The following GREB1L variants were observed in gnomAD, a reference collection of about 807,000 sequenced individuals.
The protein encoded by GREB1L is GREB1-like protein.
In GREB1L, 17 loss-of-function variants were observed where a neutral mutation model predicts 200.8. The ratio of observed to expected loss-of-function variants is 0.08; its 90% CI spans 0.06 to 0.13. GREB1L has a LOEUF of 0.13. Ranked by LOEUF, GREB1L falls within the 10% of genes least tolerant of loss-of-function variation. The pLI is 1.00. For missense variants in GREB1L, 1,657 were observed against 2,367.7 expected (o/e 0.70, Z 6.23); for synonymous variants, 789 against 893.0 (o/e 0.88, Z 2.08).
At chr18:21,289,493 T>C (rs2038412256) in intron 1 of GREB1L, among the ~76,000 whole-genome samples, 1 of 151,932 alleles carries the variant, frequency 6.6e-6, no homozygotes, top group Non-Finnish European at 1.5e-5. Context: ...CAGTGAGCTA[T>C]AATCATGCCA....
At chr18:21,374,240 G>A (rs2039985781) in intron 2 of GREB1L, among the ~76,000 whole-genome samples, 1 of 152,134 alleles carries the variant, frequency 6.6e-6, no homozygotes, top group Non-Finnish European at 1.5e-5. Context: ...CTGGACTCAA[G>A]TCATCTGCCT....
chr18:21,510,847 CTTT>C (rs113424479), intron 27 of GREB1L, among the ~76,000 whole-genome samples: 2 of 147,616 alleles, frequency 1.4e-5, no homozygotes, highest in African/African-American at 4.9e-5. Context: ...CTCACCAACA[CTTT>C]TTTTTTTTGA....
intron 4 of GREB1L, among the ~76,000 whole-genome samples, chr18:21,391,730 AAATT>A (rs1212551660): frequency 4.6e-5 from 7 of 152,380 alleles, no homozygotes; most frequent in African/African-American, 9.6e-5. Context: ...AGAGATTTAA[AAATT>A]AATTCTGTCA....
intron 16 of GREB1L, among the ~76,000 whole-genome samples, chr18:21,475,666 T>C (rs2035661099): frequency 6.6e-6 from 1 of 151,890 alleles, no homozygotes; most frequent in African/African-American, 2.4e-5. Flanking sequence ...TGGATGAACT[T>C]ATTAATGAAA....
chr18:21,273,187 C>T (rs1242336077), intron 1 of GREB1L, among the ~76,000 whole-genome samples: 2 of 152,068 alleles, frequency 1.3e-5, no homozygotes, highest in Admixed American at 6.5e-5. Context: ...GAGATTGTGC[C>T]GCTGCACTCC....
At chr18:21,285,071 T>G (rs1190552838) in intron 1 of GREB1L, among the ~76,000 whole-genome samples, 3 of 152,226 alleles carry the variant, frequency 2.0e-5, no homozygotes, top group Non-Finnish European at 4.4e-5. Context: ...ATATTCTAGA[T>G]ACAAGGCTTT....
intron 1 of GREB1L, among the ~76,000 whole-genome samples, chr18:21,274,628 A>T: frequency 6.6e-6 from 1 of 152,130 alleles, no homozygotes; most frequent in South Asian, 2.1e-4. Context: ...GCACAATGAC[A>T]CATGCCTGTA....
rs1394993286 is a variant in GREB1L at position 21,454,475 on chromosome 18, C to T, written c.2094C>T (p.Leu698=). 6 of 1,551,468 alleles carry T rather than the reference C, an allele frequency of 3.9e-6. No homozygotes were observed. Among genetic ancestry groups the T allele is most frequent in the Non-Finnish European group, 5.2e-6 (6 of 1,146,894 alleles). ...IADSGSQSLD[L]GHFSKVDFII... is the part of the protein sequence containing the mutation. ...ACAGTGGCAGCCAGAGCCTGGACCTCGGTCACTTCAGCAAAGTAGACTTCA... is the reference window on the plus strand; with the variant it reads ...ACAGTGGCAGCCAGAGCCTGGACCTTGGTCACTTCAGCAAAGTAGACTTCA... Residue 698 remains leucine, a synonymous_variant, in exon 15 of 33, where the codon CTC becomes CTT. Transcript: ENST00000424526.
At position 21,523,390 on chromosome 18, in the gene GREB1L, ATCT is replaced by A. The variant is rs1406729757; in HGVS notation, c.*573_*575del. On this transcript the variant is annotated 3_prime_UTR_variant, in exon 33 of 33. Coordinates refer to ENST00000424526, the MANE Select transcript of GREB1L (RefSeq NM_001142966.3). ...GTGCAGTGTTAGTTTAAGATTTATA[ATCT>A]TCTATGTATTGAAACTTTTGGCAAA... The A allele has an allele frequency of 1.3e-5, 2 of 152,224 alleles. No individual in the cohort carries two copies. The highest frequency in any genetic ancestry group is 3.8e-4 in the East Asian group (2 of 5,198). The allele number at this position is 152,224 out of a possible 1,614,324, so 9.4% of individuals were successfully genotyped here.
chr18:21,264,662 T>C (rs2037938752), intron 1 of GREB1L, among the ~76,000 whole-genome samples: 2 of 141,836 alleles, frequency 1.4e-5, no homozygotes, highest in Admixed American at 7.3e-5. Flanking sequence ...TTATCCTTTC[T>C]CCCCCTCCCC....
At chr18:21,326,480 G>A (rs1014101085) in intron 1 of GREB1L, among the ~76,000 whole-genome samples, 2 of 152,124 alleles carry the variant, frequency 1.3e-5, no homozygotes, top group African/African-American at 2.4e-5. Flanking sequence ...ACCGATAGCC[G>A]GTCGCTGGGG....
chr18:21,515,273 T>G, intron 28 of GREB1L, 144 bp from the exon 29 acceptor site: 1 of 655,248 alleles, frequency 1.5e-6, no homozygotes, highest in Non-Finnish European at 2.6e-6. Flanking sequence ...GGGCTTGACA[T>G]TCTTCTCCAT....
At chr18:21,492,090 T>C (rs2036361799) in intron 19 of GREB1L, among the ~76,000 whole-genome samples, 1 of 152,066 alleles carries the variant, frequency 6.6e-6, no homozygotes, top group South Asian at 2.1e-4. Flanking sequence ...CTCATGCCTG[T>C]AATCCCAGCA....
intron 1 of GREB1L, among the ~76,000 whole-genome samples, chr18:21,313,855 C>G (rs1347366117): frequency 6.6e-6 from 1 of 152,230 alleles, no homozygotes; most frequent in East Asian, 1.9e-4. Flanking sequence ...AGCCAAATTA[C>G]TCTGCTGTTT....
chr18:21,296,082 A>C (rs1285077875), intron 1 of GREB1L, among the ~76,000 whole-genome samples: 1 of 152,222 alleles, frequency 6.6e-6, no homozygotes, highest in Non-Finnish European at 1.5e-5. Flanking sequence ...CTGAGTGTAT[A>C]CCCAAAGGAA....
At chr18:21,405,562 A>G (rs1293113000) in intron 7 of GREB1L, among the ~76,000 whole-genome samples, 1 of 152,136 alleles carries the variant, frequency 6.6e-6, no homozygotes, top group Non-Finnish European at 1.5e-5. Context: ...GCACTTTGGG[A>G]GGCTGGGGTG....
Position 21,490,148 on chromosome 18 carries a change from C to T in GREB1L, c.2827C>T (p.Leu943Phe). Reference protein sequence around the residue: ...TPETLSIMDDLISSPGKNKSG... With the variant: ...TPETLSIMDDFISSPGKNKSG... ...AGAAACACTCAGCATTATGGATGAC[C>T]TCATCAGCTCCCCAGGCAAAAACAA... Residue 943 changes from leucine (L) to phenylalanine (F), a missense_variant, in exon 19 of 33, where the codon CTC becomes TTC. By Grantham distance (22) the Leu-to-Phe change is conservative. Transcript: ENST00000424526. 6.4e-7 allele frequency: 1 copy of T among 1,551,780 alleles called. No homozygotes were observed. Among genetic ancestry groups the T allele is most frequent in the Non-Finnish European group, 8.7e-7 (1 of 1,146,984 alleles).
chr18:21,358,375 G>T (rs750991011), intron 1 of GREB1L, among the ~76,000 whole-genome samples: 1 of 152,152 alleles, frequency 6.6e-6, no homozygotes, highest in African/African-American at 2.4e-5. Context: ...GAGTGCAGTC[G>T]TGAGATCTCA....
At chr18:21,286,842 T>C (rs1014305614) in intron 1 of GREB1L, among the ~76,000 whole-genome samples, 2 of 152,160 alleles carry the variant, frequency 1.3e-5, no homozygotes, top group African/African-American at 4.8e-5. Context: ...AGATAGGGTC[T>C]CACCATGTTG....
Sources: gnomAD v4.1 joint callset for allele counts (sites outside exome capture counted in the v4.1 genomes callset) on GRCh38, gnomAD v4.1.1 for gene constraint, MANE v1.5 for transcripts, NCBI Gene and HGNC (gene_info 2026-07-23, HGNC 2026-07-21) for gene names.